The following TCF7L2 variants were observed in gnomAD, a reference collection of about 807,000 sequenced individuals.
TCF7L2 encodes transcription factor 7 like 2.
Under a neutral mutation model 77.9 loss-of-function variants are expected in TCF7L2, and 23 were observed. The ratio of observed to expected loss-of-function variants is 0.30; its 90% CI spans 0.21 to 0.42. The LOEUF (loss-of-function observed/expected upper bound fraction) is 0.42. Ranked by LOEUF, TCF7L2 falls within the 10% of genes least tolerant of loss-of-function variation. The probability of loss-of-function intolerance (pLI) is 1.00; values close to 1 mark genes in which losing one functional copy is unlikely to be tolerated. For synonymous variants in TCF7L2, 413 were observed against 340.2 expected (o/e 1.21, Z -2.36); for missense variants, 654 against 793.1 (o/e 0.82, Z 2.11).
At chr10:113,121,747 ACACACACGTGCACG>A (rs1454441834) in intron 5 of TCF7L2, among the ~76,000 whole-genome samples, 2 of 150,032 alleles carry the variant, frequency 1.3e-5, no homozygotes, top group African/African-American at 2.5e-5. Flanking sequence ...CACACAACAC[ACACACACGTGCACG>A]CACACATACA....
intron 11 of TCF7L2, among the ~76,000 whole-genome samples, chr10:113,153,892 C>G (rs1310457817): frequency 2.0e-5 from 3 of 152,206 alleles, no homozygotes; most frequent in African/African-American, 7.2e-5. Context: ...TCTTTCTTCT[C>G]ATACTTTTAA....
chr10:113,063,012 A>G (rs1163517163), intron 5 of TCF7L2, among the ~76,000 whole-genome samples: 1 of 152,168 alleles, frequency 6.6e-6, no homozygotes, highest in East Asian at 1.9e-4. Context: ...CGAGGAAGCA[A>G]TGCACGGAAT....
intron 4 of TCF7L2, among the ~76,000 whole-genome samples, chr10:113,033,293 C>T (rs1285395911): frequency 1.3e-5 from 2 of 151,430 alleles, no homozygotes; most frequent in African/African-American, 4.9e-5. Flanking sequence ...AGGTCTTGCT[C>T]TGTTGCTCAG....
chr10:113,060,369 GA>G (rs756123511), intron 5 of TCF7L2, among the ~76,000 whole-genome samples: 1 of 152,176 alleles, frequency 6.6e-6, no homozygotes, highest in Admixed American at 6.5e-5. Flanking sequence ...TATGTCCTTA[GA>G]AGCCTTAAAA....
At chr10:113,028,926 C>T (rs1361597265) in intron 4 of TCF7L2, among the ~76,000 whole-genome samples, 1 of 152,158 alleles carries the variant, frequency 6.6e-6, no homozygotes, top group Admixed American at 6.5e-5. Context: ...TTGTTGGCTT[C>T]GTCTCTTAAC....
chr10:113,100,833 TG>T (rs1181107961), intron 5 of TCF7L2, among the ~76,000 whole-genome samples: 4 of 152,158 alleles, frequency 2.6e-5, no homozygotes, highest in African/African-American at 9.7e-5. Context: ...CCCAGCATTT[TG>T]GGAGGCTGAC....
At chr10:113,095,924 G>A (rs1448719142) in intron 5 of TCF7L2, among the ~76,000 whole-genome samples, 6 of 152,232 alleles carry the variant, frequency 3.9e-5, no homozygotes, top group South Asian at 4.1e-4. Flanking sequence ...CGTGAGTCAC[G>A]TATTTTCTTT....
At chr10:113,102,625 C>T (rs141675926) in intron 5 of TCF7L2, among the ~76,000 whole-genome samples, 134 of 152,058 alleles carry the variant, frequency 8.8e-4, no homozygotes, top group Non-Finnish European at 2.6e-4. Flanking sequence ...GGGGTTTCAC[C>T]GTGTTGGCCA....
chr10:112,951,039 C>A, intron 1 of TCF7L2, 94 bp downstream of exon 1: 1 of 1,437,134 alleles, frequency 7.0e-7, no homozygotes, highest in Non-Finnish European at 9.4e-7. Flanking sequence ...CTGGGGGCGG[C>A]GGCGGGGCCC....
Position 113,036,322 on chromosome 10 carries a change from G to A in TCF7L2, c.451-3703G>A, listed in dbSNP as rs570382688. On this transcript the variant is annotated intron_variant, in intron 4 of 13. Transcript: ENST00000627217. ...AGGCCCCTCTATGGGAGCAGGATCA[G>A]TCTGGCTTTAGTAGATGCCAATTTC... Among the ~76,000 whole-genome samples the A allele has an allele frequency of 2.6e-5, 4 of 152,218 alleles. No homozygotes were observed. The South Asian group carries it at 6.2e-4, about 24-fold the overall frequency.
intron 5 of TCF7L2, among the ~76,000 whole-genome samples, chr10:113,100,719 T>C (rs1379140557): frequency 1.3e-5 from 2 of 152,172 alleles, no homozygotes; most frequent in African/African-American, 4.8e-5. Context: ...ACGGGATTCT[T>C]TTTTCATGTT....
chr10:113,112,818 T>C lies in TCF7L2; in HGVS notation c.553-28366T>C, dbSNP rs550359948. 6.6e-5 allele frequency among the ~76,000 whole-genome samples: 10 copies of C among 152,322 alleles called. No individual in the cohort carries two copies. In the East Asian group the frequency reaches 1.9e-3, roughly 29 times the overall value. On this transcript the variant is annotated intron_variant, in intron 5 of 13. Transcript: ENST00000627217. ...GGCAAGCAATATTGTGTTTTAAGCTTATGAGGCAATCATGGGAGGCGAGTT... is the reference window on the plus strand; with the variant it reads ...GGCAAGCAATATTGTGTTTTAAGCTCATGAGGCAATCATGGGAGGCGAGTT...
In TCF7L2 at chr10:113,141,332, C is replaced by T. The variant is rs750227201; in HGVS notation, c.685+16C>T. 5.0e-5 allele frequency: 80 copies of T among 1,613,886 alleles called. No homozygotes were observed. The highest frequency in any genetic ancestry group is 1.1e-4 in the South Asian group (10 of 91,062). ...CCCAAAACAGGTAGGCTGTGGGCTA[C>T]GGAGCCAAGGTAGAGTGCTGGTCCT... is the stretch of plus-strand genomic sequence containing the variant. On this transcript the variant is annotated intron_variant, in intron 6 of 13. Transcript: ENST00000627217.
chr10:112,952,562 T>C (rs973577020), intron 3 of TCF7L2, among the ~76,000 whole-genome samples: 1 of 152,192 alleles, frequency 6.6e-6, no homozygotes, highest in Non-Finnish European at 1.5e-5. Flanking sequence ...TTGGGATGTA[T>C]GGCGGGGTCG....
intron 11 of TCF7L2, among the ~76,000 whole-genome samples, chr10:113,154,073 G>A (rs761394550): frequency 6.6e-6 from 1 of 152,224 alleles, no homozygotes; most frequent in East Asian, 1.9e-4. Context: ...AGCCCTTGTC[G>A]CCGACAGATG....
At chr10:113,122,880 C>A (rs959639784) in intron 5 of TCF7L2, among the ~76,000 whole-genome samples, 1 of 152,134 alleles carries the variant, frequency 6.6e-6, no homozygotes, top group Non-Finnish European at 1.5e-5. Context: ...AGTGTAGAAA[C>A]CAGAAACCCC....
intron 4 of TCF7L2, among the ~76,000 whole-genome samples, chr10:113,000,375 C>T (rs1447159842): frequency 2.0e-5 from 3 of 152,110 alleles, no homozygotes; most frequent in Non-Finnish European, 4.4e-5. Context: ...GAAGAAAAGA[C>T]GAGACCTGCC....
chr10:113,073,129 TGAGA>T (rs1555010150), intron 5 of TCF7L2, among the ~76,000 whole-genome samples: 69 of 123,570 alleles, frequency 5.6e-4, no homozygotes, highest in African/African-American at 1.5e-3. Context: ...TGTGTGTGTG[TGAGA>T]GAGAGAGAGA....
chr10:113,053,366 T>C (rs555171169), intron 5 of TCF7L2, among the ~76,000 whole-genome samples: 2 of 152,280 alleles, frequency 1.3e-5, no homozygotes, highest in South Asian at 2.1e-4. Flanking sequence ...AAGTTTTCAG[T>C]TGGCAAAGTA....
Sources: gnomAD v4.1 joint callset for allele counts (sites outside exome capture counted in the v4.1 genomes callset) on GRCh38, gnomAD v4.1.1 for gene constraint, MANE v1.5 for transcripts, NCBI Gene and HGNC (gene_info 2026-07-23, HGNC 2026-07-21) for gene names.